STON1: variants seen among roughly 807,000 people sequenced by gnomAD.
STON1 encodes stonin-1.
A neutral mutation model predicts 60.9 loss-of-function variants in STON1; 79 were observed. That is an observed-to-expected ratio of 1.30 (90% CI 1.08 to 1.56). The LOEUF is 1.56. Ranked by LOEUF, STON1 falls within the 40% of genes most tolerant of loss-of-function variation. The pLI, the probability that STON1 is intolerant of heterozygous loss-of-function variation, is 0.00. For missense variants in STON1, 1,166 were observed against 858.9 expected, an observed-to-expected ratio of 1.36 and a Z score of -4.47; for synonymous variants, 363 against 306.9, an observed-to-expected ratio of 1.18 and a Z score of -1.91.
intron 3 of STON1, among the ~76,000 whole-genome samples, chr2:48,593,597 C>A (rs369344480): frequency 2.6e-5 from 4 of 152,308 alleles, no homozygotes; most frequent in South Asian, 4.1e-4. Context: ...ACACAGCCCT[C>A]AGGAGGTCCT....
At chr2:48,564,888 A>C (rs1672868622) in intron 1 of STON1, among the ~76,000 whole-genome samples, 1 of 147,656 alleles carries the variant, frequency 6.8e-6, no homozygotes, top group Non-Finnish European at 1.5e-5. Context: ...GTGCACCACC[A>C]CGCCCGGCTA....
chr2:48,530,265 CT>C (rs1671148155), intron 1 of STON1, 49 bp downstream of exon 1: 1 of 351,838 alleles, frequency 2.8e-6, no homozygotes. Flanking sequence ...GGGACCCCCC[CT>C]CTCCAGGGTG....
At chr2:48,555,311 GC>G (rs1672282517) in intron 1 of STON1, among the ~76,000 whole-genome samples, 1 of 54,772 alleles carries the variant, frequency 1.8e-5, no homozygotes, top group Non-Finnish European at 4.0e-5. Flanking sequence ...GGCTGGCCGG[GC>G]GGGGGGGGCT....
chr2:48,567,978 G>A (rs1038939621), intron 1 of STON1, among the ~76,000 whole-genome samples: 1 of 152,156 alleles, frequency 6.6e-6, no homozygotes, highest in African/African-American at 2.4e-5. Context: ...CAATGGAACC[G>A]CACAGACACA....
At chr2:48,576,185 CTTTTTTTTTTTT>C (rs34849002) in intron 1 of STON1, among the ~76,000 whole-genome samples, 3 of 63,074 alleles carry the variant, frequency 4.8e-5, no homozygotes, top group South Asian at 1.5e-3. Flanking sequence ...GTTTTCCTTT[CTTTTTTTTTTTT>C]TTTTTTTTTT....
At chr2:48,568,407 A>G (rs974092883) in intron 1 of STON1, among the ~76,000 whole-genome samples, 1 of 152,146 alleles carries the variant, frequency 6.6e-6, no homozygotes, top group Non-Finnish European at 1.5e-5. Flanking sequence ...AGAACTTCAT[A>G]TTTACATTTT....
intron 1 of STON1, among the ~76,000 whole-genome samples, chr2:48,551,084 G>T (rs77428094): frequency 0.14 from 21,816 of 151,776 alleles, 1,802 homozygotes; most frequent in East Asian, 0.2. Context: ...TACATTTGCA[G>T]GTTTGTTACC....
intron 1 of STON1, among the ~76,000 whole-genome samples, chr2:48,540,104 C>G (rs1010960615): frequency 2.0e-5 from 3 of 152,168 alleles, no homozygotes; most frequent in Non-Finnish European, 2.9e-5. Context: ...ATACATTGAC[C>G]TAACTTCCAC....
intron 1 of STON1, among the ~76,000 whole-genome samples, chr2:48,533,736 ATGT>A (rs1455726809): frequency 2.0e-5 from 3 of 148,708 alleles, no homozygotes; most frequent in Non-Finnish European, 4.5e-5. Context: ...TTTTAAAATC[ATGT>A]TGTATAAGAA....
chr2:48,539,502 T>A (rs1268374079), intron 1 of STON1, among the ~76,000 whole-genome samples: 2 of 152,090 alleles, frequency 1.3e-5, no homozygotes, highest in Non-Finnish European at 2.9e-5. Context: ...TTATGATATA[T>A]GTTTTCTTTT....
At chr2:48,535,919 C>G (rs887050978) in intron 1 of STON1, among the ~76,000 whole-genome samples, 4 of 151,476 alleles carry the variant, frequency 2.6e-5, no homozygotes, top group African/African-American at 4.9e-5. Context: ...GAGACCCTGC[C>G]TCTACAAAAA....
chr2:48,592,566 G>C (rs1312932992), intron 3 of STON1, among the ~76,000 whole-genome samples: 1 of 149,294 alleles, frequency 6.7e-6, no homozygotes, highest in East Asian at 2.0e-4. Flanking sequence ...CAAGTAACTG[G>C]GATTACAGCC....
chr2:48,546,340 C>T (rs1239050136), intron 1 of STON1, among the ~76,000 whole-genome samples: 1 of 152,246 alleles, frequency 6.6e-6, no homozygotes, highest in Non-Finnish European at 1.5e-5. Context: ...TGTCTCCCTG[C>T]AGTCAGGCTC....
chr2:48,594,432 T>C (rs533011540), intron 3 of STON1, among the ~76,000 whole-genome samples: 66 of 152,324 alleles, frequency 4.3e-4, no homozygotes, highest in African/African-American at 1.6e-3. Context: ...AAATGTTTTC[T>C]TCCATTTAGT....
chr2:48,530,203 C>A lies in STON1; in HGVS notation c.-61C>A. Reference sequence around the variant, plus strand: ...CTGGCTGCGGCCAGAATCGGAGCCCCAACCGCGCTGCCGGTGAGTGACCAG... The same window carrying A: ...CTGGCTGCGGCCAGAATCGGAGCCCAAACCGCGCTGCCGGTGAGTGACCAG... On this transcript the variant is annotated 5_prime_UTR_variant, in exon 1 of 4. Coordinates refer to ENST00000404752, the MANE Select transcript of STON1 (RefSeq NM_006873.4). 2.4e-6 allele frequency: 1 copy of A among 410,702 alleles called. No homozygotes were observed. The highest frequency in any genetic ancestry group is 1.8e-5 in the South Asian group (1 of 55,070). The allele number at this position is 410,702 out of a possible 1,614,324, so 25.4% of individuals were successfully genotyped here.
At position 48,597,680 on chromosome 2, in the gene STON1, T is replaced by C. The variant is rs1219113847; in HGVS notation, c.*2378T>C. 1 of 152,648 alleles carries C rather than the reference T, an allele frequency of 6.6e-6. No homozygotes were observed. Among genetic ancestry groups the C allele is most frequent in the Non-Finnish European group, 1.5e-5 (1 of 68,032 alleles). 9.5% of individuals were successfully genotyped at this position (152,648 alleles called of 1,614,324 possible). A position where few individuals can be genotyped will look rare whatever the true frequency, so the allele number is the denominator to read the frequency against. ...GGATTGTCTGTGGCAATGCAGAAGC[T>C]GATAGCATTAACAGCAGGGTGTTAC... On this transcript the variant is annotated 3_prime_UTR_variant, in exon 4 of 4. Coordinates refer to ENST00000404752, the MANE Select transcript of STON1 (RefSeq NM_006873.4).
At chr2:48,572,603 C>G (rs1365574683) in intron 1 of STON1, among the ~76,000 whole-genome samples, 1 of 152,164 alleles carries the variant, frequency 6.6e-6, no homozygotes, top group Non-Finnish European at 1.5e-5. Context: ...ACCAACACCA[C>G]TGTTGCAAAT....
intron 1 of STON1, among the ~76,000 whole-genome samples, chr2:48,557,502 G>A (rs1672429891): frequency 9.2e-6 from 1 of 109,156 alleles, no homozygotes; most frequent in African/African-American, 3.3e-5. Flanking sequence ...GGGCGGCCAG[G>A]CAGAGACACT....
Position 48,595,562 on chromosome 2 carries a change from CA to C in STON1, c.*261del. The stretch of plus-strand genomic sequence containing the variant: ...TTTGCTTCCTATTGAAACTCAAAGG[CA>C]CTGTTACTCGTTGTGTGACCCCGCA... On this transcript the variant is annotated 3_prime_UTR_variant, in exon 4 of 4. Transcript: ENST00000404752. The C allele has an allele frequency of 2.3e-6, 1 of 426,082 alleles. No individual in the cohort carries two copies. 26.4% of individuals were successfully genotyped at this position (426,082 alleles called of 1,614,324 possible).
Sources: gnomAD v4.1 joint callset for allele counts (sites outside exome capture counted in the v4.1 genomes callset) on GRCh38, gnomAD v4.1.1 for gene constraint, MANE v1.5 for transcripts, NCBI Gene and HGNC (gene_info 2026-07-23, HGNC 2026-07-21) for gene names.